Variants in CACNA1D observed in about 807,000 individuals in gnomAD.
The protein encoded by CACNA1D is voltage-dependent L-type calcium channel subunit alpha-1D.
CACNA1D carries 55 observed loss-of-function variants against 257.1 expected under a neutral mutation model. The observed-to-expected ratio is 0.21, with a 90% CI of 0.17 to 0.27. The LOEUF is 0.27. Ranked by LOEUF, CACNA1D falls within the 10% of genes least tolerant of loss-of-function variation. The pLI is 1.00. For synonymous variants in CACNA1D, 980 were observed against 1,014.9 expected, an observed-to-expected ratio of 0.97 and a Z score of 0.65; for missense variants, 1,876 against 2,784.0, an observed-to-expected ratio of 0.67 and a Z score of 7.34.
chr3:53,644,864 G>A, intron 3 of CACNA1D, among the ~76,000 whole-genome samples: 1 of 152,108 alleles, frequency 6.6e-6, no homozygotes, highest in East Asian at 1.9e-4. Context: ...GCATTATATG[G>A]TAGTTCCACT....
At chr3:53,562,694 C>T (rs546998589) in intron 3 of CACNA1D, among the ~76,000 whole-genome samples, 2 of 152,240 alleles carry the variant, frequency 1.3e-5, no homozygotes, top group South Asian at 2.1e-4. Flanking sequence ...AGATGATTTC[C>T]AGATGTTTCA....
intron 23 of CACNA1D, 36 bp downstream of exon 23, chr3:53,744,863 G>A: frequency 8.1e-7 from 1 of 1,230,550 alleles, no homozygotes; most frequent in Non-Finnish European, 1.2e-6. Context: ...GGCTGGCTTG[G>A]GTTGGGGTTG....
intron 3 of CACNA1D, among the ~76,000 whole-genome samples, chr3:53,648,235 A>G (rs1463302846): frequency 2.0e-5 from 3 of 152,172 alleles, no homozygotes; most frequent in African/African-American, 7.2e-5. Context: ...AAGGATAAAA[A>G]GGGATGAATT....
chr3:53,588,616 C>T (rs754244761), intron 3 of CACNA1D, among the ~76,000 whole-genome samples: 6 of 152,126 alleles, frequency 3.9e-5, no homozygotes, highest in Non-Finnish European at 7.3e-5. Flanking sequence ...GGTCAGCAGG[C>T]GACCCTTGTT....
intron 9 of CACNA1D, among the ~76,000 whole-genome samples, chr3:53,704,763 C>T (rs1428164147): frequency 6.6e-6 from 1 of 152,174 alleles, no homozygotes; most frequent in Non-Finnish European, 1.5e-5. Flanking sequence ...GAGGTATGGC[C>T]CCTTTTTCTC....
intron 7 of CACNA1D, among the ~76,000 whole-genome samples, chr3:53,672,542 A>G (rs1355374972): frequency 6.6e-6 from 1 of 152,194 alleles, no homozygotes; most frequent in Non-Finnish European, 1.5e-5. Context: ...TCTATAATTA[A>G]GACTTTTCCA....
At chr3:53,678,645 C>A (rs1312016026) in intron 8 of CACNA1D, among the ~76,000 whole-genome samples, 1 of 152,164 alleles carries the variant, frequency 6.6e-6, no homozygotes, top group Non-Finnish European at 1.5e-5. Flanking sequence ...GGGGCCTAGA[C>A]AAAGACTCAG....
At chr3:53,769,647 A>G (rs1044832902) in intron 30 of CACNA1D, among the ~76,000 whole-genome samples, 1 of 152,240 alleles carries the variant, frequency 6.6e-6, no homozygotes, top group Admixed American at 6.5e-5. Context: ...GACTAAGCCA[A>G]GAGAACTAGC....
At chr3:53,666,975 G>A (rs1041410313) in intron 7 of CACNA1D, among the ~76,000 whole-genome samples, 3 of 152,004 alleles carry the variant, frequency 2.0e-5, no homozygotes, top group Admixed American at 2.0e-4. Context: ...GGGAAGAAAG[G>A]GAATGTAAAT....
At chr3:53,575,408 C>T (rs2093019965) in intron 3 of CACNA1D, among the ~76,000 whole-genome samples, 1 of 152,100 alleles carries the variant, frequency 6.6e-6, no homozygotes, top group Admixed American at 6.5e-5. Context: ...TTCCAGGAAG[C>T]TTCCTATTTT....
chr3:53,514,127 A>C (rs1020543649), intron 3 of CACNA1D, among the ~76,000 whole-genome samples: 5 of 152,210 alleles, frequency 3.3e-5, no homozygotes, highest in Non-Finnish European at 5.9e-5. Context: ...TGTTAAAAAA[A>C]TCCTCATTTT....
chr3:53,583,580 AG>A (rs2093166657), intron 3 of CACNA1D, among the ~76,000 whole-genome samples: 1 of 152,182 alleles, frequency 6.6e-6, no homozygotes, highest in Non-Finnish European at 1.5e-5. Context: ...TGCTCATCTT[AG>A]GCAGTATAAG....
At chr3:53,782,908 TG>T (rs1210227891) in intron 39 of CACNA1D, 1 of 152,252 alleles carries the variant, frequency 6.6e-6, no homozygotes, top group Non-Finnish European at 1.5e-5. Flanking sequence ...AGAGCTTGCA[TG>T]GCTTACATGA....
chr3:53,569,328 C>T (rs951663625), intron 3 of CACNA1D, among the ~76,000 whole-genome samples: 1 of 152,354 alleles, frequency 6.6e-6, no homozygotes, highest in Middle Eastern at 3.4e-3. Flanking sequence ...CCTACTTACC[C>T]TCCCAAGTGC....
intron 7 of CACNA1D, among the ~76,000 whole-genome samples, chr3:53,669,281 C>T (rs537968620): frequency 2.0e-5 from 3 of 152,258 alleles, no homozygotes; most frequent in African/African-American, 7.2e-5. Context: ...GCAGAACATC[C>T]CTGCCCAGCA....
intron 30 of CACNA1D, among the ~76,000 whole-genome samples, chr3:53,769,485 C>A (rs951828298): frequency 6.6e-6 from 1 of 152,236 alleles, no homozygotes; most frequent in Non-Finnish European, 1.5e-5. Flanking sequence ...ATACACCACC[C>A]AGGCGTTTAG....
At chr3:53,795,595 A>C (rs1226009879) in intron 40 of CACNA1D, among the ~76,000 whole-genome samples, 1 of 152,254 alleles carries the variant, frequency 6.6e-6, no homozygotes, top group Non-Finnish European at 1.5e-5. Context: ...ATGTAAGCTC[A>C]CAATGACTGG....
At chr3:53,687,613 T>C (rs765425104) in intron 8 of CACNA1D, among the ~76,000 whole-genome samples, 4 of 151,972 alleles carry the variant, frequency 2.6e-5, no homozygotes, top group African/African-American at 4.8e-5. Flanking sequence ...AAATCGATCA[T>C]AGATCTAATT....
chr3:53,799,553 T>C (rs1043899342), intron 40 of CACNA1D, among the ~76,000 whole-genome samples: 3 of 152,168 alleles, frequency 2.0e-5, no homozygotes, highest in African/African-American at 7.2e-5. Flanking sequence ...CACTTTCAGT[T>C]TGTTGTGATC....
Sources: gnomAD v4.1 joint callset for allele counts (sites outside exome capture counted in the v4.1 genomes callset) on GRCh38, gnomAD v4.1.1 for gene constraint, MANE v1.5 for transcripts, NCBI Gene and HGNC (gene_info 2026-07-23, HGNC 2026-07-21) for gene names.